The following ADGRB3 variants were observed in gnomAD, a reference collection of about 807,000 sequenced individuals.
ADGRB3 encodes the protein adhesion G protein-coupled receptor B3.
A neutral mutation model predicts 193.4 loss-of-function variants in ADGRB3; 37 were observed. That is an observed-to-expected ratio of 0.19 (90% confidence interval 0.15 to 0.25). The LOEUF is 0.25. ADGRB3 is among the 10% of genes least tolerant of loss of function. The probability of loss-of-function intolerance (pLI) is 1.00; values close to 1 mark genes in which losing one functional copy is unlikely to be tolerated. For missense variants in ADGRB3, 1,637 were observed against 1,852.9 expected, an observed-to-expected ratio of 0.88 and a Z score of 2.14; for synonymous variants, 690 against 644.2, an observed-to-expected ratio of 1.07 and a Z score of -1.08.
At chr6:69,283,393 G>C (rs1180551307) in intron 20 of ADGRB3, among the ~76,000 whole-genome samples, 3 of 152,052 alleles carry the variant, frequency 2.0e-5, no homozygotes, top group Non-Finnish European at 4.4e-5. Flanking sequence ...GGGAGCTCCT[G>C]CCTCCCAGCT....
At chr6:68,770,135 T>G (rs527785427) in intron 3 of ADGRB3, among the ~76,000 whole-genome samples, 1 of 152,274 alleles carries the variant, frequency 6.6e-6, no homozygotes, top group African/African-American at 2.4e-5. Flanking sequence ...AATTGGATTC[T>G]GATACTCCAT....
intron 3 of ADGRB3, among the ~76,000 whole-genome samples, chr6:68,847,379 G>A (rs766688305): frequency 4.6e-5 from 7 of 152,132 alleles, no homozygotes; most frequent in Non-Finnish European, 8.8e-5. Flanking sequence ...GGGGCCAGGG[G>A]TGGAAATACA....
At chr6:69,346,173 T>C (rs1395452048) in intron 26 of ADGRB3, among the ~76,000 whole-genome samples, 1 of 152,202 alleles carries the variant, frequency 6.6e-6, no homozygotes, top group Non-Finnish European at 1.5e-5. Flanking sequence ...CGAAGTAATT[T>C]ATAGATTCAA....
At chr6:68,817,369 A>G (rs1238723080) in intron 3 of ADGRB3, among the ~76,000 whole-genome samples, 2 of 73,286 alleles carry the variant, frequency 2.7e-5, no homozygotes, top group South Asian at 5.0e-4. Context: ...ATAATTTCTG[A>G]CTGTTTCTTT....
chr6:69,091,598 A>G (rs1772710977), intron 17 of ADGRB3, among the ~76,000 whole-genome samples: 1 of 152,176 alleles, frequency 6.6e-6, no homozygotes, highest in African/African-American at 2.4e-5. Context: ...ATTAGAACAC[A>G]TGAATACATA....
chr6:68,711,961 A>G (rs554035350), intron 3 of ADGRB3, among the ~76,000 whole-genome samples: 8 of 152,186 alleles, frequency 5.3e-5, no homozygotes, highest in African/African-American at 1.9e-4. Flanking sequence ...GTACTTCATT[A>G]TGAAGGCATA....
chr6:69,106,006 C>T (rs1029877723), intron 17 of ADGRB3, among the ~76,000 whole-genome samples: 1 of 151,482 alleles, frequency 6.6e-6, no homozygotes, highest in African/African-American at 2.4e-5. Flanking sequence ...CATGGTGGCT[C>T]GTGCCTGTAA....
chr6:68,777,632 G>A (rs1766772648), intron 3 of ADGRB3, among the ~76,000 whole-genome samples: 1 of 143,568 alleles, frequency 7.0e-6, no homozygotes. Flanking sequence ...TGGGACCAAA[G>A]GGATTAGGAA....
chr6:68,843,536 G>A (rs1473712228), intron 3 of ADGRB3, among the ~76,000 whole-genome samples: 5 of 151,758 alleles, frequency 3.3e-5, no homozygotes, highest in African/African-American at 1.2e-4. Flanking sequence ...CCTAACAAAT[G>A]GAAAGATATT....
At chr6:69,090,646 A>ACATT (rs1772679541) in intron 17 of ADGRB3, among the ~76,000 whole-genome samples, 1 of 152,206 alleles carries the variant, frequency 6.6e-6, no homozygotes, top group African/African-American at 2.4e-5. Flanking sequence ...TGTAGGGGAA[A>ACATT]TGTTAGATAT....
chr6:69,164,087 AT>A (rs1018197174), intron 17 of ADGRB3, among the ~76,000 whole-genome samples: 1 of 151,838 alleles, frequency 6.6e-6, no homozygotes, highest in African/African-American at 2.4e-5. Flanking sequence ...TTTCTCCAGT[AT>A]TTTTTTCCCA....
At chr6:68,945,126 G>A (rs1194342386) in intron 6 of ADGRB3, among the ~76,000 whole-genome samples, 1 of 152,118 alleles carries the variant, frequency 6.6e-6, no homozygotes, top group Non-Finnish European at 1.5e-5. Flanking sequence ...CCAATGTGTA[G>A]ATATGCAAAA....
chr6:69,113,801 T>C (rs759712487), intron 17 of ADGRB3, among the ~76,000 whole-genome samples: 2 of 152,192 alleles, frequency 1.3e-5, no homozygotes, highest in Non-Finnish European at 2.9e-5. Flanking sequence ...CTCTTAATAA[T>C]GTTTTTCAGT....
chr6:69,039,540 G>A (rs1368857376), intron 13 of ADGRB3, among the ~76,000 whole-genome samples: 1 of 152,014 alleles, frequency 6.6e-6, no homozygotes, highest in East Asian at 1.9e-4. Context: ...CTCTGCCATT[G>A]TAGCATGAAA....
intron 17 of ADGRB3, among the ~76,000 whole-genome samples, chr6:69,157,261 TAAAAC>T (rs1774867718): frequency 6.6e-6 from 1 of 152,082 alleles, no homozygotes; most frequent in African/African-American, 2.4e-5. Flanking sequence ...ATTTAAAAAA[TAAAAC>T]AATAGGACAC....
At chr6:68,916,027 C>A (rs1766868472) in intron 3 of ADGRB3, among the ~76,000 whole-genome samples, 1 of 151,400 alleles carries the variant, frequency 6.6e-6, no homozygotes, top group South Asian at 2.1e-4. Flanking sequence ...GAAAAATATG[C>A]AGAAGAAGCA....
intron 17 of ADGRB3, among the ~76,000 whole-genome samples, chr6:69,180,047 G>A (rs957632108): frequency 3.9e-5 from 6 of 152,238 alleles, no homozygotes; most frequent in Admixed American, 2.6e-4. Context: ...CCAATACTGA[G>A]GGACTATCCA....
intron 3 of ADGRB3, among the ~76,000 whole-genome samples, chr6:68,648,253 A>G (rs1768261587): frequency 6.6e-6 from 1 of 152,106 alleles, no homozygotes; most frequent in Admixed American, 6.6e-5. Flanking sequence ...TGAAATTTTA[A>G]ATGTTTGCTG....
intron 3 of ADGRB3, among the ~76,000 whole-genome samples, chr6:68,728,921 C>A (rs781187918): frequency 1.3e-5 from 2 of 151,386 alleles, no homozygotes; most frequent in Non-Finnish European, 3.0e-5. Flanking sequence ...GAAGTTCTTA[C>A]TTAAGCCAAA....
Sources: gnomAD v4.1 joint callset for allele counts (sites outside exome capture counted in the v4.1 genomes callset) on GRCh38, gnomAD v4.1.1 for gene constraint, MANE v1.5 for transcripts, NCBI Gene and HGNC (gene_info 2026-07-23, HGNC 2026-07-21) for gene names.